TVP23A: variants seen among roughly 807,000 people sequenced by gnomAD.
TVP23A encodes the protein trans-golgi network vesicle protein 23 homolog A, also known as Golgi apparatus membrane protein TVP23 homolog A.
In TVP23A, 21 loss-of-function variants were observed where a neutral mutation model predicts 31.7. That is an observed-to-expected ratio of 0.66 (90% CI 0.47 to 0.95). TVP23A has a LOEUF of 0.95. TVP23A is among the 40% of genes least tolerant of loss of function. TVP23A has a pLI of 0.00. For missense variants in TVP23A, 279 were observed against 255.6 expected (o/e 1.09, Z -0.62); for synonymous variants, 104 against 96.0 (o/e 1.08, Z -0.49).
chr16:10,815,668 T>C (rs2034406135), intron 2 of TVP23A, among the ~76,000 whole-genome samples: 1 of 152,090 alleles, frequency 6.6e-6, no homozygotes, highest in South Asian at 2.1e-4. Flanking sequence ...ATGTCTGGAG[T>C]GCTAACATTA....
exon 9 of TVP23A, chr16:10,761,535 C>T (rs951036653): frequency 2.7e-5 from 37 of 1,374,694 alleles, no homozygotes; most frequent in Non-Finnish European, 2.9e-5. Context: ...AGGAAACGAT[C>T]GGAAGGCTGC....
chr16:10,814,466 T>C (rs2034343226), intron 2 of TVP23A, among the ~76,000 whole-genome samples: 2 of 152,086 alleles, frequency 1.3e-5, no homozygotes, highest in African/African-American at 2.4e-5. Flanking sequence ...TCCCTGTCCC[T>C]ACCCCACATC....
chr16:10,782,861 C>A (rs185182744), intron 2 of TVP23A, among the ~76,000 whole-genome samples: 1 of 152,212 alleles, frequency 6.6e-6, no homozygotes, highest in East Asian at 1.9e-4. Context: ...GACTACCAAG[C>A]CCAAAATACC....
At chr16:10,804,072 G>T (rs1234135394) in intron 2 of TVP23A, among the ~76,000 whole-genome samples, 1 of 152,166 alleles carries the variant, frequency 6.6e-6, no homozygotes, top group African/African-American at 2.4e-5. Flanking sequence ...CAAAGGCCAG[G>T]GGCTGAACAG....
In TVP23A at chr16:10,767,480, G is replaced by C. The variant is rs1025848282; in HGVS notation, c.*1622C>G. The C allele has an allele frequency of 3.2e-5, 13 of 411,362 alleles. No individual in the cohort carries two copies. In the South Asian group the frequency reaches 6.6e-4, roughly 21 times the overall value. 25.5% of individuals were successfully genotyped at this position (411,362 alleles called of 1,614,324 possible). A position where few individuals can be genotyped will look rare whatever the true frequency, so the allele number is the denominator to read the frequency against. ...TAGGTATATGAGAGTGTGTGTATGT[G>C]TGTGCGCACACATGCAAGTGTGCAC... On this transcript the variant is annotated 3_prime_UTR_variant, in exon 8 of 8. Transcript: ENST00000299866. This position sits in a 1 kb window ranked among gnomAD's most constrained non-coding sequence, Gnocchi z 4.6.
rs928789813 is a variant in TVP23A at position 10,776,060 on chromosome 16, A to T, written c.90-964T>A. 6.5e-5 allele frequency among the ~76,000 whole-genome samples: 9 copies of T among 137,806 alleles called. No homozygotes were observed. In the East Asian group the frequency reaches 8.1e-4, roughly 12 times the overall value. The allele number at this position is 137,806 out of a possible 152,430, so 90.4% of individuals were successfully genotyped here. A position where few individuals can be genotyped will look rare whatever the true frequency, so the allele number is the denominator to read the frequency against. On this transcript the variant is annotated intron_variant, in intron 2 of 7. Coordinates refer to ENST00000299866, the MANE Select transcript of TVP23A (RefSeq NM_001079512.4). Reference sequence around the variant, plus strand: ...AACCACGCCTGGCCTTATTTTTTTTATTATTATTATTTTTTAATGTAAGTC... The same window carrying T: ...AACCACGCCTGGCCTTATTTTTTTTTTTATTATTATTTTTTAATGTAAGTC...
intron 2 of TVP23A, among the ~76,000 whole-genome samples, chr16:10,813,551 A>G (rs996201654): frequency 6.6e-6 from 1 of 152,226 alleles, no homozygotes; most frequent in Admixed American, 6.5e-5. Context: ...TGAGATCAGC[A>G]TGGACAACAT....
At position 10,767,449 on chromosome 16, in the gene TVP23A, G is replaced by A. The variant is rs529814893; in HGVS notation, c.*1653C>T. 3 of 398,718 alleles carry A rather than the reference G, an allele frequency of 7.5e-6. No individual in the cohort carries two copies. The highest frequency in any genetic ancestry group is 7.1e-5 in the East Asian group (2 of 28,018). The allele number at this position is 398,718 out of a possible 1,614,324, so 24.7% of individuals were successfully genotyped here. ...ATGTGTGTGTCATGTGCTCCCATTC[G>A]TATTTTAGGTATATGAGAGTGTGTG... is the stretch of plus-strand genomic sequence containing the variant. On this transcript the variant is annotated 3_prime_UTR_variant, in exon 8 of 8. Coordinates refer to ENST00000299866, the MANE Select transcript of TVP23A (RefSeq NM_001079512.4). This position sits in a 1 kb window ranked among gnomAD's most constrained non-coding sequence, Gnocchi z 4.6.
In TVP23A at chr16:10,777,378, C is replaced by T. The variant is rs2032104080; in HGVS notation, c.90-2282G>A. On this transcript the variant is annotated intron_variant, in intron 2 of 7. Transcript: ENST00000299866. This position sits in a 1 kb window ranked among gnomAD's most constrained non-coding sequence, Gnocchi z 4.5. ...TGGCCTGCGAGCAGTGAGCTTGCAA[C>T]CTCTGGATTAGGTTACAAAATGTTG... Among the ~76,000 whole-genome samples the T allele has an allele frequency of 1.3e-5, 2 of 152,084 alleles. No homozygotes were observed. Among genetic ancestry groups the T allele is most frequent in the Non-Finnish European group, 2.9e-5 (2 of 68,010 alleles).
chr16:10,761,727 T>G (rs1174754932), downstream of TVP23A: 1 of 1,562,718 alleles, frequency 6.4e-7, no homozygotes, highest in African/African-American at 1.4e-5. Flanking sequence ...AAAAAAATTA[T>G]GTTTCCTCCC....
chr16:10,786,878 G>C (rs1428536846), intron 2 of TVP23A, among the ~76,000 whole-genome samples: 1 of 151,636 alleles, frequency 6.6e-6, no homozygotes, highest in Non-Finnish European at 1.5e-5. Flanking sequence ...TGCCTTTTGG[G>C]ATAAACCAAG....
In TVP23A at chr16:10,807,089, T is replaced by C. The variant is rs1413399550; in HGVS notation, c.89+11014A>G. On this transcript the variant is annotated intron_variant, in intron 2 of 7. Transcript: ENST00000299866. ...ATAGATTTTAGAGAGCCGGTGACAA[T>C]ATAACTTTGTTCCCCAAAAGCTCAG... is the stretch of plus-strand genomic sequence containing the variant. Among the ~76,000 whole-genome samples, 5 of 152,174 alleles carry C rather than the reference T, an allele frequency of 3.3e-5. No individual in the cohort carries two copies. The East Asian group carries it at 7.7e-4, about 23-fold the overall frequency.
At chr16:10,774,819 T>C (rs1414380791) in intron 3 of TVP23A, 133 bp downstream of exon 3, 2 of 752,138 alleles carry the variant, frequency 2.7e-6, no homozygotes, top group Non-Finnish European at 4.2e-6. Flanking sequence ...CCATTCCCCT[T>C]ACTTTTAAGT....
At chr16:10,769,130 C>A (rs920620743) in intron 7 of TVP23A, 29 bp from the exon 8 acceptor site, 1 of 1,611,512 alleles carries the variant, frequency 6.2e-7, no homozygotes. Flanking sequence ...CAGGACCAAG[C>A]AGTTACCGAG....
At chr16:10,808,644 G>A (rs2034054312) in intron 2 of TVP23A, 2 of 414,714 alleles carry the variant, frequency 4.8e-6, no homozygotes, top group Admixed American at 2.7e-5. Flanking sequence ...GGGTGTAGTA[G>A]TGCATGCTTG....
chr16:10,780,355 C>G (rs1596513637), intron 2 of TVP23A, among the ~76,000 whole-genome samples: 1 of 152,034 alleles, frequency 6.6e-6, no homozygotes, highest in Non-Finnish European at 1.5e-5. Flanking sequence ...TCCCAATAAA[C>G]TTATTTCATC....
chr16:10,767,547 C>G lies in TVP23A; in HGVS notation c.*1555G>C, dbSNP rs2031082475. 3.5e-5 allele frequency: 16 copies of G among 454,920 alleles called. No individual in the cohort carries two copies. In the East Asian group the frequency reaches 4.9e-4, roughly 14 times the overall value. The allele number at this position is 454,920 out of a possible 1,614,324, so 28.2% of individuals were successfully genotyped here. The stretch of plus-strand genomic sequence containing the variant: ...TCTTTCTGGAAAGACACCTAGAACA[C>G]TAGTAGCCCTTTTCGGACTTGGCCT... On this transcript the variant is annotated 3_prime_UTR_variant, in exon 8 of 8. Transcript: ENST00000299866. The surrounding 1 kb of genome is among the most constrained non-coding windows in gnomAD (Gnocchi z 4.6).
intron 2 of TVP23A, among the ~76,000 whole-genome samples, chr16:10,806,462 G>T (rs1253679274): frequency 6.6e-6 from 1 of 152,072 alleles, no homozygotes; most frequent in Non-Finnish European, 1.5e-5. Flanking sequence ...AGATTATGTG[G>T]GTCACAGGTC....
exon 9 of TVP23A, chr16:10,761,360 G>A (rs760431991): frequency 9.9e-6 from 16 of 1,613,184 alleles, no homozygotes; most frequent in Middle Eastern, 3.3e-4. Context: ...TTTCACCTTC[G>A]TAGGAGGTGT....
Sources: gnomAD v4.1 joint callset for allele counts (sites outside exome capture counted in the v4.1 genomes callset) on GRCh38, gnomAD v4.1.1 for gene constraint, Gnocchi (gnomAD v3.1) non-coding constraint, MANE v1.5 for transcripts, NCBI Gene and HGNC (gene_info 2026-07-23, HGNC 2026-07-21) for gene names.